PALM2AKAP2: variants seen among roughly 807,000 people sequenced by gnomAD.
PALM2AKAP2 encodes PALM2 and AKAP2 fusion.
Under a neutral mutation model 71.5 loss-of-function variants are expected in PALM2AKAP2, and 37 were observed. That is an observed-to-expected ratio of 0.52 (90% CI 0.40 to 0.68). PALM2AKAP2 has a LOEUF of 0.68. PALM2AKAP2 is among the 30% of genes least tolerant of loss of function. The pLI is 0.00. For synonymous variants in PALM2AKAP2, 468 were observed against 478.8 expected, an observed-to-expected ratio of 0.98 and a Z score of 0.29; for missense variants, 1,224 against 1,191.8, an observed-to-expected ratio of 1.03 and a Z score of -0.40.
intron 1 of PALM2AKAP2, among the ~76,000 whole-genome samples, chr9:110,131,365 C>A (rs934981119): frequency 1.3e-5 from 2 of 152,160 alleles, no homozygotes; most frequent in Non-Finnish European, 2.9e-5. Flanking sequence ...TCATATCCTC[C>A]TGTTTTTGCA....
intron 1 of PALM2AKAP2, among the ~76,000 whole-genome samples, chr9:109,684,586 TA>T (rs1329859074): frequency 1.3e-5 from 2 of 152,148 alleles, no homozygotes; most frequent in Non-Finnish European, 2.9e-5. Context: ...AATATGTTAG[TA>T]AAATACAATA....
chr9:110,172,045 T>TAC (rs570274032), exon 4 of PALM2AKAP2: 3 of 152,638 alleles, frequency 2.0e-5, no homozygotes, highest in African/African-American at 7.2e-5. Context: ...CACATATATA[T>TAC]ACACACACAC....
intron 2 of PALM2AKAP2, among the ~76,000 whole-genome samples, chr9:110,143,366 G>A (rs1242740402): frequency 6.9e-6 from 1 of 144,866 alleles, no homozygotes; most frequent in African/African-American, 2.6e-5. Context: ...AGGCTGCAGT[G>A]AGCTGTGATC....
intron 6 of PALM2AKAP2, among the ~76,000 whole-genome samples, chr9:110,006,269 T>A (rs976455302): frequency 6.6e-6 from 1 of 151,226 alleles, no homozygotes; most frequent in Non-Finnish European, 1.5e-5. Context: ...TCCTTCCATT[T>A]TCTCTCTCTC....
At chr9:110,113,528 C>CT (rs58325766) in intron 1 of PALM2AKAP2, among the ~76,000 whole-genome samples, 92 of 141,802 alleles carry the variant, frequency 6.5e-4, no homozygotes, top group Middle Eastern at 4.0e-3. Context: ...TGCACCTGGA[C>CT]TTTTTTTTTT....
chr9:109,958,968 T>G (rs12376542), intron 6 of PALM2AKAP2, among the ~76,000 whole-genome samples: 3,131 of 152,314 alleles, frequency 0.021, 52 homozygotes, highest in Middle Eastern at 0.031. Context: ...AGTCTGAATC[T>G]TCCTTTTAAA....
intron 3 of PALM2AKAP2, among the ~76,000 whole-genome samples, chr9:109,918,049 T>A (rs1179936915): frequency 6.6e-6 from 1 of 152,162 alleles, no homozygotes; most frequent in African/African-American, 2.4e-5. Context: ...TTCTACAGCA[T>A]GTTGTTCTTT....
rs146108996 is a variant in PALM2AKAP2 at position 109,923,530 on chromosome 9, T to C, written c.258-205T>C. Among the ~76,000 whole-genome samples, 9 of 152,352 alleles carry C rather than the reference T, an allele frequency of 5.9e-5. No individual in the cohort carries two copies. The East Asian group carries it at 1.7e-3, about 29-fold the overall frequency. ...TGAACCAGTGGAGGCAGTGCTGTGT[T>C]GATTTCCCTTGACCAATGTCTGCCC... On this transcript the variant is annotated intron_variant, in intron 3 of 9. Transcript: ENST00000302798.
At chr9:109,669,518 G>A (rs1795456151) in intron 1 of PALM2AKAP2, among the ~76,000 whole-genome samples, 1 of 152,032 alleles carries the variant, frequency 6.6e-6, no homozygotes, top group Admixed American at 6.6e-5. Flanking sequence ...AGGTTGAAGT[G>A]CTATTGTTTC....
At chr9:109,727,239 C>T (rs933818937) in intron 1 of PALM2AKAP2, among the ~76,000 whole-genome samples, 12 of 152,240 alleles carry the variant, frequency 7.9e-5, no homozygotes, top group African/African-American at 2.9e-4. Flanking sequence ...TGCTTTAAGT[C>T]TTCTTGTGAT....
intron 6 of PALM2AKAP2, among the ~76,000 whole-genome samples, chr9:109,991,305 C>G (rs1298458495): frequency 6.6e-6 from 1 of 151,664 alleles, no homozygotes; most frequent in South Asian, 2.1e-4. Context: ...GGCGTGATCA[C>G]GGCTCACTGC....
intron 1 of PALM2AKAP2, among the ~76,000 whole-genome samples, chr9:110,093,471 A>G (rs1270188344): frequency 6.6e-6 from 1 of 152,216 alleles, no homozygotes; most frequent in East Asian, 1.9e-4. Context: ...GAGATTGGCA[A>G]TTGACCAAAA....
At chr9:110,055,825 A>T (rs554520747) in intron 1 of PALM2AKAP2, among the ~76,000 whole-genome samples, 1 of 151,942 alleles carries the variant, frequency 6.6e-6, no homozygotes, top group South Asian at 2.1e-4. Flanking sequence ...TTTTGTCAGG[A>T]CTCTTTAGTT....
intron 1 of PALM2AKAP2, among the ~76,000 whole-genome samples, chr9:109,836,462 A>C (rs995523555): frequency 1.1e-4 from 16 of 152,336 alleles, no homozygotes; most frequent in African/African-American, 3.4e-4. Flanking sequence ...AATTCTAAAA[A>C]TCAGAGTGCC....
intron 1 of PALM2AKAP2, among the ~76,000 whole-genome samples, chr9:109,730,551 T>C (rs1338016375): frequency 6.6e-6 from 1 of 152,222 alleles, no homozygotes; most frequent in Non-Finnish European, 1.5e-5. Flanking sequence ...TGGGAAATTC[T>C]TCTACAATTG....
rs572918570 is a variant in PALM2AKAP2, at chr9:110,122,903, GGTCATTTCTCTCCA to G, written c.157-13222_157-13209del. Among the ~76,000 whole-genome samples, 297 of 152,260 alleles carry G rather than the reference GGTCATTTCTCTCCA, an allele frequency of 2.0e-3. 5 individuals carry two copies. Among genetic ancestry groups the G allele is most frequent in the African/African-American group, 6.4e-3 (267 of 41,546 alleles). On this transcript the variant is annotated intron_variant, in intron 1 of 3. Transcript: ENST00000374525. Reference sequence around the variant, plus strand: ...GACGTTACCTGCTGGATTCTACTCTGGTCATTTCTCTCCAGAGACTCCACTGTCATCAAGTGTGG... The same window carrying G: ...GACGTTACCTGCTGGATTCTACTCTGGAGACTCCACTGTCATCAAGTGTGG...
At chr9:109,715,003 T>C (rs1398978150) in intron 1 of PALM2AKAP2, among the ~76,000 whole-genome samples, 1 of 152,196 alleles carries the variant, frequency 6.6e-6, no homozygotes, top group Non-Finnish European at 1.5e-5. Context: ...AATCTCCCTG[T>C]GCACAAATCC....
chr9:109,905,403 G>A (rs920415129), intron 3 of PALM2AKAP2, among the ~76,000 whole-genome samples: 1 of 152,176 alleles, frequency 6.6e-6, no homozygotes, highest in Non-Finnish European at 1.5e-5. Context: ...CACCAGAAAA[G>A]GGCCCCAAAG....
At chr9:109,883,831 C>T (rs965816142) in intron 3 of PALM2AKAP2, among the ~76,000 whole-genome samples, 3 of 152,206 alleles carry the variant, frequency 2.0e-5, no homozygotes, top group South Asian at 4.1e-4. Context: ...CTCTAATCTG[C>T]GTGTTGCCTG....
Sources: allele counts gnomAD v4.1 joint callset (sites outside exome capture counted in the v4.1 genomes callset), GRCh38; gene constraint gnomAD v4.1.1; transcripts MANE v1.5; gene names NCBI Gene and HGNC (gene_info 2026-07-23, HGNC 2026-07-21).